NCOA2: variants seen among roughly 807,000 people sequenced by gnomAD.
NCOA2 encodes class E basic helix-loop-helix protein 75.
In NCOA2, 21 loss-of-function variants were observed where a neutral mutation model predicts 145.1. The observed-to-expected ratio is 0.14, with a 90% confidence interval of 0.10 to 0.21. NCOA2 has a LOEUF of 0.21. Ranked by LOEUF, NCOA2 falls within the 10% of genes least tolerant of loss-of-function variation. NCOA2 has a pLI of 1.00. For missense variants in NCOA2, 1,472 were observed against 1,837.6 expected (o/e 0.80, Z 3.64); for synonymous variants, 619 against 637.5 (o/e 0.97, Z 0.44).
chr8:70,174,886 A>G (rs769186464), intron 4 of NCOA2, 27 bp from the exon 5 acceptor site: 2 of 1,585,002 alleles, frequency 1.3e-6, no homozygotes, highest in Non-Finnish European at 1.7e-6. Context: ...TGTGAATTAA[A>G]TGGCAGTGCT....
chr8:70,289,854 T>C (rs1454784728), intron 2 of NCOA2, among the ~76,000 whole-genome samples: 4 of 152,054 alleles, frequency 2.6e-5, no homozygotes, highest in Non-Finnish European at 5.9e-5. Context: ...AGACTGGATC[T>C]TGCTATGTCG....
At chr8:70,326,910 C>G (rs1369293245) in intron 1 of NCOA2, among the ~76,000 whole-genome samples, 1 of 152,120 alleles carries the variant, frequency 6.6e-6, no homozygotes, top group African/African-American at 2.4e-5. Flanking sequence ...CCTCAGCTAC[C>G]TTACTGTGGT....
At position 70,156,415 on chromosome 8, in the gene NCOA2, A is replaced by C. The variant is rs892055351; in HGVS notation, c.1950T>G (p.Asp650Glu). 12 of 1,613,748 alleles carry C rather than the reference A, an allele frequency of 7.4e-6. No homozygotes were observed. Among genetic ancestry groups the C allele is most frequent in the Admixed American group, 1.7e-5 (1 of 59,992 alleles). ...KLLQLLTTKS[D>E]QMEPSPLASS... ...TGGCTAAGGGCGAGGGCTCCATCTG[A>C]TCAGATTTGGTGGTCAGCAGCTGCA... The change falls in exon 11 of 23, where the codon GAT becomes GAG. Residue 650 changes from aspartate (D) to glutamate (E), a missense_variant. Asp to Glu is a conservative substitution (Grantham distance 45, BLOSUM62 2). This residue lies in a region of NCOA2 where 953 missense variants were observed against 1,062.1 expected (regional missense o/e 0.90). Coordinates refer to ENST00000452400, the MANE Select transcript of NCOA2 (RefSeq NM_006540.4).
the NCOA2 span, among the ~76,000 whole-genome samples, chr8:70,433,342 C>CT: frequency 7.0e-6 from 1 of 143,750 alleles, no homozygotes; most frequent in Admixed American, 6.9e-5. Flanking sequence ...GAGAAGTACA[C>CT]TAAAAAAAAA....
intron 2 of NCOA2, among the ~76,000 whole-genome samples, chr8:70,222,498 G>C (rs1292851781): frequency 6.6e-6 from 1 of 152,154 alleles, no homozygotes; most frequent in Non-Finnish European, 1.5e-5. Context: ...AGTATCGTCT[G>C]CTCTTAGATT....
At chr8:70,362,267 G>A (rs972939274) in intron 1 of NCOA2, among the ~76,000 whole-genome samples, 1 of 152,118 alleles carries the variant, frequency 6.6e-6, no homozygotes, top group Non-Finnish European at 1.5e-5. Context: ...ATACGTCTAC[G>A]TTAATGCACA....
intron 17 of NCOA2, 64 bp downstream of exon 17, chr8:70,128,638 C>T: frequency 6.3e-7 from 1 of 1,598,392 alleles, no homozygotes; most frequent in Non-Finnish European, 8.5e-7. Flanking sequence ...TGCTGTCTCA[C>T]ATCATCTTCC....
At position 70,144,744 on chromosome 8, in the gene NCOA2, G is replaced by C. The variant is rs374615842; in HGVS notation, c.2710C>G (p.Pro904Ala). ...QSPTGAGPFP[P>A]IRNSSPYSVI... ...GAGTAGGGACTACTGTTTCTGATTG[G>C]TGGGAAAGGTCCAGCACCAGTTGGG... Residue 904 changes from proline (P) to alanine (A), a missense_variant, in exon 13 of 23, where the codon CCA (proline) becomes GCA (alanine). Coordinates refer to ENST00000452400, the MANE Select transcript of NCOA2 (RefSeq NM_006540.4). The C allele has an allele frequency of 2.0e-5, 32 of 1,613,770 alleles. No individual in the cohort carries two copies. The highest frequency in any genetic ancestry group is 9.3e-5 in the African/African-American group (7 of 74,884).
At chr8:70,135,005 T>G (rs1809568521) in intron 15 of NCOA2, among the ~76,000 whole-genome samples, 1 of 152,070 alleles carries the variant, frequency 6.6e-6, no homozygotes, top group African/African-American at 2.4e-5. Flanking sequence ...CTTATGTGGT[T>G]CTTCAGCTCT....
chr8:70,369,181 C>G (rs1810993983), intron 1 of NCOA2, among the ~76,000 whole-genome samples: 1 of 152,180 alleles, frequency 6.6e-6, no homozygotes, highest in South Asian at 2.1e-4. Flanking sequence ...AAACTCAGTT[C>G]ATTTTACACA....
Position 70,328,621 on chromosome 8 carries a change from G to A in NCOA2, c.-76-31821C>T, listed in dbSNP as rs1033017430. ...GCTCACTTATAAAAACTGAGGTTAAGAGGAAAAAAACTCAGCAAGGTTCAA... is the reference window on the plus strand; with the variant it reads ...GCTCACTTATAAAAACTGAGGTTAAAAGGAAAAAAACTCAGCAAGGTTCAA... On this transcript the variant is annotated intron_variant, in intron 1 of 22. Transcript: ENST00000452400. Among the ~76,000 whole-genome samples the A allele has an allele frequency of 8.5e-5, 13 of 152,188 alleles. No individual in the cohort carries two copies. In the East Asian group the frequency reaches 2.1e-3, roughly 25 times the overall value.
At chr8:70,341,364 G>A (rs1241785485) in intron 1 of NCOA2, among the ~76,000 whole-genome samples, 1 of 152,162 alleles carries the variant, frequency 6.6e-6, no homozygotes, top group Non-Finnish European at 1.5e-5. Flanking sequence ...TCCAGCCCAG[G>A]TGACAGAGCA....
intron 1 of NCOA2, among the ~76,000 whole-genome samples, chr8:70,344,325 G>A (rs773209147): frequency 2.6e-5 from 4 of 152,212 alleles, no homozygotes; most frequent in Non-Finnish European, 2.9e-5. Context: ...CTTGAGAGAA[G>A]ATAGACATGG....
At chr8:70,427,083 G>A in the NCOA2 span, among the ~76,000 whole-genome samples, 2 of 152,090 alleles carry the variant, frequency 1.3e-5, no homozygotes, top group African/African-American at 4.8e-5. Flanking sequence ...AGTAATACTA[G>A]TATATCTGGC....
rs1181760523 is a variant in NCOA2, at chr8:70,162,833, G to A, written c.854C>T (p.Thr285Ile). Reference protein sequence around the residue: ...DLQGKITSLDTSTMRAAMKPG... With the variant: ...DLQGKITSLDISTMRAAMKPG... The stretch of plus-strand genomic sequence containing the variant: ...TTTCATGGCTGCTCTCATGGTGCTG[G>A]TATCCAGAGACGTGATCTTGCCTAT... The change falls in exon 9 of 23, where the codon ACC becomes ATC. Residue 285 changes from threonine to isoleucine, a missense_variant. Transcript: ENST00000452400. 1 of 1,613,050 alleles carries A rather than the reference G, an allele frequency of 6.2e-7. No individual in the cohort carries two copies.
chr8:70,144,759 C>T lies in NCOA2; in HGVS notation c.2695G>A (p.Ala899Thr). ...TTTCTGATTGGTGGGAAAGGTCCAG[C>T]ACCAGTTGGGCTTTGCAATGTGATG... ...LDITLQSPTG[A>T]GPFPPIRNSS... The change falls in exon 13 of 23, where the codon GCT (alanine) becomes ACT (threonine). Residue 899 changes from alanine (A) to threonine (T), a missense_variant. Around this residue, in one of 4 missense-constraint regions of NCOA2, gnomAD observed 953 missense variants for 1,062.1 expected, o/e 0.90. Coordinates refer to ENST00000452400, the MANE Select transcript of NCOA2 (RefSeq NM_006540.4). The T allele has an allele frequency of 6.2e-7, 1 of 1,614,002 alleles. No individual in the cohort carries two copies. Among genetic ancestry groups the T allele is most frequent in the Non-Finnish European group, 8.5e-7 (1 of 1,179,880 alleles).
intron 4 of NCOA2, among the ~76,000 whole-genome samples, chr8:70,195,532 G>C (rs1384561090): frequency 6.6e-6 from 1 of 152,122 alleles, no homozygotes; most frequent in African/African-American, 2.4e-5. Flanking sequence ...AGCCTAGAGG[G>C]AATTCTGCCT....
intron 2 of NCOA2, among the ~76,000 whole-genome samples, chr8:70,256,135 C>A (rs1823617413): frequency 6.6e-6 from 1 of 152,096 alleles, no homozygotes; most frequent in South Asian, 2.1e-4. Flanking sequence ...TACAGAAAAC[C>A]TTCCCTAGCA....
intron 2 of NCOA2, among the ~76,000 whole-genome samples, chr8:70,288,889 T>C (rs1826451702): frequency 2.0e-5 from 3 of 152,172 alleles, no homozygotes. Context: ...CAGCAACAAT[T>C]AAACATCTAA....
Sources: gnomAD v4.1 joint callset for allele counts (sites outside exome capture counted in the v4.1 genomes callset) on GRCh38, gnomAD v4.1.1 for gene constraint, gnomAD v4.1.1 regional missense constraint, MANE v1.5 for transcripts, NCBI Gene and HGNC (gene_info 2026-07-23, HGNC 2026-07-21) for gene names.